Variants in SMURF2 observed in about 807,000 individuals in gnomAD.
SMURF2 encodes SMAD specific E3 ubiquitin protein ligase 2.
SMURF2 carries 48 observed loss-of-function variants against 109.6 expected under a neutral mutation model. The ratio of observed to expected loss-of-function variants is 0.44; its 90% CI spans 0.35 to 0.56. The LOEUF is 0.56. Among genes scored for constraint, SMURF2 ranks in the 20% least tolerant of loss-of-function variants. SMURF2 has a pLI of 0.01. For synonymous variants in SMURF2, 288 were observed against 317.1 expected, an observed-to-expected ratio of 0.91 and a Z score of 0.97; for missense variants, 575 against 909.0, an observed-to-expected ratio of 0.63 and a Z score of 4.72.
intron 4 of SMURF2, 170 bp downstream of exon 4, chr17:64,593,270 C>T (rs1469769315): frequency 1.4e-5 from 5 of 370,350 alleles, no homozygotes; most frequent in African/African-American, 2.1e-5. Context: ...TTCAGACATG[C>T]ACAAGAAGTT....
In SMURF2 at chr17:64,623,808, C is replaced by CATA. The variant is rs548260029; in HGVS notation, c.53-17171_53-17169dup. ...AAAAATCTACTGATACCAAGTTGGA[C>CATA]ATAATGCCCTCAAAACACCTAGTTA... On this transcript the variant is annotated intron_variant, in intron 1 of 18. Transcript: ENST00000262435. Among the ~76,000 whole-genome samples the CATA allele has an allele frequency of 4.5e-4, 68 of 152,324 alleles. 1 individual carries two copies. The highest frequency in any genetic ancestry group is 1.7e-3 in the South Asian group (8 of 4,828).
At chr17:64,638,401 A>G (rs1216215530) in intron 1 of SMURF2, among the ~76,000 whole-genome samples, 1 of 152,030 alleles carries the variant, frequency 6.6e-6, no homozygotes, top group Non-Finnish European at 1.5e-5. Flanking sequence ...GTGTTTCGTC[A>G]TGTTGGGCAG....
rs1555683285 is a variant in SMURF2, at chr17:64,547,816, C to T, written c.1870-15G>A. 6.2e-7 allele frequency: 1 copy of T among 1,613,146 alleles called. No homozygotes were observed. Reference sequence around the variant, plus strand: ...CAAATAATGAGCTGTGAAAATAGTACACAGTAATGAACCTGTGGAAACCAC... The same window carrying T: ...CAAATAATGAGCTGTGAAAATAGTATACAGTAATGAACCTGTGGAAACCAC... On this transcript the variant is annotated splice_polypyrimidine_tract_variant and intron_variant, in intron 16 of 18. Transcript: ENST00000262435. This position sits in a 1 kb window ranked among gnomAD's most constrained non-coding sequence, Gnocchi z 4.2.
intron 1 of SMURF2, among the ~76,000 whole-genome samples, chr17:64,648,833 A>G (rs1970595870): frequency 6.6e-6 from 1 of 152,170 alleles, no homozygotes; most frequent in Admixed American, 6.6e-5. Context: ...ACTATGTTAG[A>G]GATGGTATTT....
intron 6 of SMURF2, 97 bp from the exon 7 acceptor site, chr17:64,583,641 T>G: frequency 1.2e-6 from 1 of 826,482 alleles, no homozygotes; most frequent in Non-Finnish European, 2.1e-6. Context: ...AAATCGGGAA[T>G]GCCAACCCGA....
intron 1 of SMURF2, among the ~76,000 whole-genome samples, chr17:64,650,066 T>C (rs1049000556): frequency 5.9e-5 from 9 of 152,296 alleles, no homozygotes; most frequent in Admixed American, 2.6e-4. Flanking sequence ...TTATAAAATA[T>C]AATCGGTTTT....
intron 3 of SMURF2, among the ~76,000 whole-genome samples, chr17:64,594,495 T>TA (rs1408441694): frequency 2.6e-5 from 4 of 152,130 alleles, no homozygotes; most frequent in East Asian, 1.9e-4. Flanking sequence ...CATTCCCTTT[T>TA]AAAAAATTAA....
intron 10 of SMURF2, among the ~76,000 whole-genome samples, chr17:64,565,302 G>C (rs920774775): frequency 6.6e-6 from 1 of 152,140 alleles, no homozygotes; most frequent in Non-Finnish European, 1.5e-5. Flanking sequence ...AGGTGTGCTA[G>C]GGTGCAAGGG....
At chr17:64,641,357 A>T (rs1196837674) in intron 1 of SMURF2, among the ~76,000 whole-genome samples, 6 of 152,196 alleles carry the variant, frequency 3.9e-5, no homozygotes, top group African/African-American at 1.4e-4. Flanking sequence ...ACCCCCCAAA[A>T]AAAACAAAAA....
At chr17:64,620,160 G>A (rs1555690513) in intron 1 of SMURF2, among the ~76,000 whole-genome samples, 1 of 152,100 alleles carries the variant, frequency 6.6e-6, no homozygotes, top group Non-Finnish European at 1.5e-5. Context: ...TAAAGCAGTT[G>A]CCAGATTATA....
At chr17:64,660,547 T>A (rs1970761846) in intron 1 of SMURF2, among the ~76,000 whole-genome samples, 2 of 152,206 alleles carry the variant, frequency 1.3e-5, no homozygotes, top group Non-Finnish European at 2.9e-5. Context: ...TCAAGCTAAA[T>A]TCTCAAATAC....
intron 15 of SMURF2, 146 bp from the exon 16 acceptor site, chr17:64,551,850 C>T: frequency 9.9e-7 from 1 of 1,009,412 alleles, no homozygotes; most frequent in Non-Finnish European, 1.4e-6. Context: ...AAATCTCAGA[C>T]TAATGGGGAT....
chr17:64,580,893 G>C lies in SMURF2; in HGVS notation c.668C>G (p.Ser223Cys). 1 of 1,614,120 alleles carries C rather than the reference G, an allele frequency of 6.2e-7. No homozygotes were observed. Among genetic ancestry groups the C allele is most frequent in the Non-Finnish European group, 8.5e-7 (1 of 1,179,996 alleles). The change falls in exon 8 of 19, where the codon TCT becomes TGT. Residue 223 changes from serine to cysteine, a missense_variant. Transcript: ENST00000262435. ...SGTNGATCGQSSDPRLAERRV... is the reference protein window; with the variant it reads ...SGTNGATCGQCSDPRLAERRV... ...CCTCTCTGCCAGCCTGGGATCTGAA[G>C]ACTGTCCACATGTTGCACCATTTGT...
At chr17:64,626,291 A>T (rs1429894000) in intron 1 of SMURF2, among the ~76,000 whole-genome samples, 1 of 151,312 alleles carries the variant, frequency 6.6e-6, no homozygotes, top group Non-Finnish European at 1.5e-5. Flanking sequence ...ACATAGGATT[A>T]TACATATTCA....
intron 2 of SMURF2, among the ~76,000 whole-genome samples, chr17:64,601,840 GTGTGTGTGTGTATA>G (rs1274862377): frequency 1.5e-4 from 23 of 150,534 alleles, no homozygotes; most frequent in South Asian, 1.0e-3. Context: ...AATGTGGTGT[GTGTGTGTGTGTATA>G]TGTGTGTGTG....
intron 1 of SMURF2, among the ~76,000 whole-genome samples, chr17:64,610,695 T>C (rs1206453569): frequency 1.3e-5 from 2 of 152,188 alleles, no homozygotes; most frequent in African/African-American, 4.8e-5. Context: ...CCATGGTACA[T>C]GTATACCTAT....
chr17:64,631,324 G>A (rs1052744936), intron 1 of SMURF2, among the ~76,000 whole-genome samples: 4 of 122,272 alleles, frequency 3.3e-5, no homozygotes, highest in Middle Eastern at 4.1e-3. Flanking sequence ...GAGAGAGAGA[G>A]AGACAGAGAG....
chr17:64,596,220 G>A (rs1555688082), intron 3 of SMURF2, among the ~76,000 whole-genome samples: 2 of 152,020 alleles, frequency 1.3e-5, no homozygotes, highest in African/African-American at 4.8e-5. Context: ...ACAGGGTCTC[G>A]TTATGTTGTA....
chr17:64,566,058 C>T (rs782655305), intron 10 of SMURF2, among the ~76,000 whole-genome samples: 2 of 151,844 alleles, frequency 1.3e-5, no homozygotes, highest in African/African-American at 4.8e-5. Context: ...CTATATTTGA[C>T]GGCTCATAGA....
Sources: allele counts gnomAD v4.1 joint callset (sites outside exome capture counted in the v4.1 genomes callset), GRCh38; gene constraint gnomAD v4.1.1; non-coding constraint Gnocchi (gnomAD v3.1); transcripts MANE v1.5; gene names NCBI Gene and HGNC (gene_info 2026-07-23, HGNC 2026-07-21).